Variants in AFF2 observed in about 807,000 individuals in gnomAD.
The protein encoded by AFF2 is ALF transcription elongation factor 2, also known as AF4/FMR2 family member 2.
AFF2 carries 14 observed loss-of-function variants against 76.9 expected under a neutral mutation model. The ratio of observed to expected loss-of-function variants is 0.18; its 90% CI spans 0.12 to 0.28. The LOEUF (loss-of-function observed/expected upper bound fraction) is 0.28, where lower values mean the gene tolerates loss of function less well. Among genes scored for constraint, AFF2 ranks in the 10% least tolerant of loss-of-function variants. The pLI is 1.00. For missense variants in AFF2, 868 were observed against 1,001.1 expected, an observed-to-expected ratio of 0.87 and a Z score of 1.79; for synonymous variants, 398 against 366.7, an observed-to-expected ratio of 1.09 and a Z score of -0.98.
intron 3 of AFF2, among the ~76,000 whole-genome samples, chrX:148,668,441 A>G (rs1557258729): frequency 8.9e-6 from 1 of 112,300 alleles, no homozygotes. Context: ...TTTCCCTTTC[A>G]CATTGTCCTA....
At chrX:148,983,334 C>T (rs1436331598) in intron 19 of AFF2, among the ~76,000 whole-genome samples, 1 of 112,066 alleles carries the variant, frequency 8.9e-6, no homozygotes, top group Non-Finnish European at 1.9e-5. Context: ...CTATTAGATC[C>T]TGGCTTTTTG....
intron 1 of AFF2, among the ~76,000 whole-genome samples, chrX:148,584,299 A>G (rs2053444238): frequency 1.8e-5 from 2 of 111,862 alleles, no homozygotes; most frequent in Admixed American, 1.9e-4. Flanking sequence ...TTACAAGAAA[A>G]AAAAAGTCAT....
At chrX:148,919,245 C>A (rs2071565264) in intron 9 of AFF2, among the ~76,000 whole-genome samples, 1 of 111,278 alleles carries the variant, frequency 9.0e-6, no homozygotes, top group Admixed American at 9.6e-5. Context: ...GGGTTTTCAG[C>A]AATCAAAAAG....
At chrX:148,589,313 C>T (rs1459684649) in intron 1 of AFF2, among the ~76,000 whole-genome samples, 3 of 111,400 alleles carry the variant, frequency 2.7e-5, no homozygotes, top group African/African-American at 9.8e-5. Flanking sequence ...TAATATCCAT[C>T]CCCAAAGGGC....
chrX:148,712,770 T>C (rs782807006), intron 3 of AFF2, among the ~76,000 whole-genome samples: 78 of 112,266 alleles, frequency 6.9e-4, no homozygotes, highest in Admixed American at 1.7e-3. Context: ...GTACCTACTA[T>C]GGACTGGTCA....
intron 1 of AFF2, among the ~76,000 whole-genome samples, chrX:148,630,539 C>A (rs529866436): frequency 3.0e-4 from 33 of 111,646 alleles, no homozygotes; most frequent in South Asian, 2.6e-3. Flanking sequence ...CTTGCCTCCG[C>A]CCATTGCCCT....
intron 9 of AFF2, among the ~76,000 whole-genome samples, chrX:148,951,233 T>C (rs1557286591): frequency 9.0e-6 from 1 of 111,318 alleles, no homozygotes; most frequent in Non-Finnish European, 1.9e-5. Context: ...GAACTTTGAT[T>C]TAGCTGAGGA....
intron 16 of AFF2, 26 bp from the exon 17 acceptor site, chrX:148,977,907 C>T (rs1557290466): frequency 8.8e-7 from 1 of 1,139,750 alleles, no homozygotes; most frequent in Admixed American, 2.2e-5. Context: ...ACAGATTCCA[C>T]TTTAGCTTTT....
intron 7 of AFF2, among the ~76,000 whole-genome samples, chrX:148,880,660 G>A (rs1001465977): frequency 8.1e-5 from 9 of 111,572 alleles, no homozygotes; most frequent in South Asian, 7.7e-4. Flanking sequence ...ACCAGTAACC[G>A]GAAGACCCCA....
intron 1 of AFF2, among the ~76,000 whole-genome samples, chrX:148,523,646 A>C (rs1400012959): frequency 2.7e-5 from 3 of 112,764 alleles, no homozygotes; most frequent in Non-Finnish European, 3.8e-5. Flanking sequence ...GATTTCATGC[A>C]AAAAAATTTA....
chrX:148,600,792 C>G (rs982629871), intron 1 of AFF2, among the ~76,000 whole-genome samples: 2 of 112,169 alleles, frequency 1.8e-5, no homozygotes, highest in African/African-American at 6.5e-5. Context: ...TGCCTGCTCC[C>G]AAGTCAGTTA....
At chrX:148,508,697 G>GTTTTCAT (rs2124190454) in intron 1 of AFF2, among the ~76,000 whole-genome samples, 1 of 112,235 alleles carries the variant, frequency 8.9e-6, no homozygotes, top group Non-Finnish European at 1.9e-5. Flanking sequence ...AGGACTGATT[G>GTTTTCAT]TTTTCATGCC....
intron 19 of AFF2, among the ~76,000 whole-genome samples, chrX:148,981,974 C>T (rs955542689): frequency 3.6e-5 from 4 of 111,416 alleles, no homozygotes; most frequent in African/African-American, 1.3e-4. Context: ...CTTATATTGA[C>T]GAACAAAAGA....
At chrX:148,786,431 T>C (rs1227329897) in intron 3 of AFF2, among the ~76,000 whole-genome samples, 2 of 111,927 alleles carry the variant, frequency 1.8e-5, no homozygotes, top group African/African-American at 6.5e-5. Context: ...CCTCACAGCC[T>C]GGAGGCTAGA....
At chrX:148,984,468 A>G (rs920780184) in intron 19 of AFF2, among the ~76,000 whole-genome samples, 2 of 112,068 alleles carry the variant, frequency 1.8e-5, no homozygotes, top group East Asian at 5.6e-4. Context: ...AGAGTTGGAG[A>G]GCACACTGAA....
At chrX:148,588,559 A>G (rs2053492072) in intron 1 of AFF2, among the ~76,000 whole-genome samples, 1 of 112,626 alleles carries the variant, frequency 8.9e-6, no homozygotes, top group Non-Finnish European at 1.9e-5. Flanking sequence ...CTCCAAAGCA[A>G]TCATTCCTGT....
Position 148,610,380 on chromosome X carries a change from T to C in AFF2, c.48-41619T>C, listed in dbSNP as rs377178030. Reference sequence around the variant, plus strand: ...CCCGATCATGATGCTCTTTGCCCTCTTAGTATTCCATATTTAATGATATCT... The same window carrying C: ...CCCGATCATGATGCTCTTTGCCCTCCTAGTATTCCATATTTAATGATATCT... On this transcript the variant is annotated intron_variant, in intron 1 of 20. Transcript: ENST00000370460. Among the ~76,000 whole-genome samples the C allele has an allele frequency of 1.0e-3, 116 of 111,846 alleles. 1 individual carries two copies. The highest frequency in any genetic ancestry group is 3.6e-3 in the African/African-American group (111 of 30,800).
intron 4 of AFF2, among the ~76,000 whole-genome samples, chrX:148,829,039 C>T (rs1227973672): frequency 3.6e-5 from 4 of 112,128 alleles, no homozygotes; most frequent in East Asian, 2.8e-4. Flanking sequence ...CTCCTGGATC[C>T]GAAGGAGAAT....
Position 148,952,708 on chromosome X carries a change from G to C in AFF2, c.1398-872G>C, listed in dbSNP as rs1034445220. 2.7e-5 allele frequency among the ~76,000 whole-genome samples: 3 copies of C among 112,215 alleles called. No individual in the cohort carries two copies. In the Admixed American group the frequency reaches 2.8e-4, roughly 11 times the overall value. On this transcript the variant is annotated intron_variant, in intron 9 of 20. Transcript: ENST00000370460. ...GGAGTATTATTTATCAATAAAGGCA[G>C]AGTAGCAAATGGTGTCACTTTCCAA... is the stretch of plus-strand genomic sequence containing the variant.
Sources: allele counts gnomAD v4.1 joint callset (sites outside exome capture counted in the v4.1 genomes callset), GRCh38; gene constraint gnomAD v4.1.1; transcripts MANE v1.5; gene names NCBI Gene and HGNC (gene_info 2026-07-23, HGNC 2026-07-21).